Variants in POLN observed in about 807,000 individuals in gnomAD.
POLN encodes DNA polymerase N.
A neutral mutation model predicts 113.5 loss-of-function variants in POLN; 108 were observed. The observed-to-expected ratio is 0.95, with a 90% CI of 0.81 to 1.12. POLN has a LOEUF of 1.12. Ranked by LOEUF, POLN falls within the 50% of genes most tolerant of loss-of-function variation. The probability of loss-of-function intolerance (pLI) is 0.00; values close to 1 mark genes in which losing one functional copy is unlikely to be tolerated. For missense variants in POLN, 1,097 were observed against 1,077.1 expected (o/e 1.02, Z -0.26); for synonymous variants, 386 against 391.5 (o/e 0.99, Z 0.17).
chr4:2,219,433 T>A (rs996523930), intron 3 of POLN, among the ~76,000 whole-genome samples: 1 of 152,136 alleles, frequency 6.6e-6, no homozygotes, highest in Non-Finnish European at 1.5e-5. Flanking sequence ...TCTCCTTCAG[T>A]CAGTTGGTTC....
At chr4:2,161,361 G>A (rs369938166) in intron 13 of POLN, among the ~76,000 whole-genome samples, 4 of 152,348 alleles carry the variant, frequency 2.6e-5, no homozygotes, top group African/African-American at 7.2e-5. Context: ...CCCTGCACTC[G>A]GAGCAGCCAG....
At chr4:2,100,395 A>C (rs1334147390) in intron 19 of POLN, among the ~76,000 whole-genome samples, 1 of 152,252 alleles carries the variant, frequency 6.6e-6, no homozygotes, top group East Asian at 1.9e-4. Flanking sequence ...CACACTCACA[A>C]TAGCAATAGA....
In POLN at chr4:2,234,884, G is replaced by C. The variant is rs181553861; in HGVS notation, c.-12-5641C>G. Among the ~76,000 whole-genome samples the C allele has an allele frequency of 3.3e-5, 5 of 152,136 alleles. No homozygotes were observed. The East Asian group carries it at 9.6e-4, about 29-fold the overall frequency. ...GAAAAAAATGATATACAACTACATG[G>C]AGAAATTTTCTTCTTTTTTGACACC... On this transcript the variant is annotated intron_variant, in intron 2 of 25. Coordinates refer to ENST00000511885, the MANE Select transcript of POLN (RefSeq NM_181808.4).
At chr4:2,188,376 A>G (rs7696453) in intron 7 of POLN, among the ~76,000 whole-genome samples, 37,488 of 152,042 alleles carry the variant, frequency 0.25, 7,142 homozygotes, top group African/African-American at 0.51. Flanking sequence ...CGAGGTGGGC[A>G]GATCACGAGG....
intron 2 of POLN, chr4:2,232,207 T>C: frequency 2.5e-6 from 2 of 812,604 alleles, no homozygotes; most frequent in South Asian, 4.1e-5. Flanking sequence ...TTATTCCTAA[T>C]ACCAATTATA....
chr4:2,191,982 G>T (rs9997014), intron 7 of POLN, among the ~76,000 whole-genome samples: 1 of 151,682 alleles, frequency 6.6e-6, no homozygotes, highest in Non-Finnish European at 1.5e-5. Context: ...TCATGGTGGC[G>T]CACACCTGTA....
chr4:2,137,972 G>A (rs890567227), intron 16 of POLN, among the ~76,000 whole-genome samples: 3 of 152,132 alleles, frequency 2.0e-5, no homozygotes, highest in African/African-American at 7.2e-5. Context: ...CCGAGTAGCT[G>A]GGATTATAGG....
Position 2,111,806 on chromosome 4 carries a change from C to T in POLN, c.1983-15873G>A, listed in dbSNP as rs946775342. 3.0e-3 allele frequency among the ~76,000 whole-genome samples: 460 copies of T among 152,278 alleles called. 2 individuals are homozygous for T. The highest frequency in any genetic ancestry group is 0.01 in the African/African-American group (431 of 41,548). ...GGAAGAATCAATATCGTGAAAATGG[C>T]CATACTGCCCAAGGTAATTTATAGA... On this transcript the variant is annotated intron_variant, in intron 19 of 25. Coordinates refer to ENST00000511885, the MANE Select transcript of POLN (RefSeq NM_181808.4).
chr4:2,230,464 CAT>C (rs1734540337), intron 2 of POLN: 1 of 151,562 alleles, frequency 6.6e-6, no homozygotes, highest in African/African-American at 2.4e-5. Context: ...TAGAAAAAAA[CAT>C]ATACAACAAA....
At position 2,088,224 on chromosome 4, in the gene POLN, G is replaced by T. The variant is rs185721167; in HGVS notation, c.2066-2480C>A. Among the ~76,000 whole-genome samples the T allele has an allele frequency of 3.5e-4, 53 of 152,198 alleles. 1 individual carries two copies. Among genetic ancestry groups the T allele is most frequent in the Admixed American group, 2.7e-3 (41 of 15,264 alleles). ...AAGATTTTCTAATAGAAAAATTTTA[G>T]TATTTATCTACAGAAAAATAATGAA... On this transcript the variant is annotated intron_variant, in intron 20 of 25. Transcript: ENST00000511885.
chr4:2,236,401 C>T, intron 2 of POLN: 1 of 1,613,758 alleles, frequency 6.2e-7, no homozygotes, highest in African/African-American at 1.3e-5. Context: ...TCAAGGTTTC[C>T]ATGAGTTAGA....
intron 25 of POLN, among the ~76,000 whole-genome samples, chr4:2,072,680 GAGAGCCC>G (rs1730177816): frequency 6.6e-6 from 1 of 152,164 alleles, no homozygotes; most frequent in African/African-American, 2.4e-5. Context: ...TAGAGGCCAG[GAGAGCCC>G]TCCCGGGGGT....
chr4:2,126,627 G>A lies in POLN; in HGVS notation c.1982+1486C>T, dbSNP rs186200261. 5.3e-5 allele frequency among the ~76,000 whole-genome samples: 8 copies of A among 152,280 alleles called. No individual in the cohort carries two copies. In the East Asian group the frequency reaches 1.5e-3, roughly 29 times the overall value. ...AGAGAGGAGTGGAGACCAGAGAGGA[G>A]TGGAGACCAGAGAGGAGCGGCGCCG... On this transcript the variant is annotated intron_variant, in intron 19 of 25. Transcript: ENST00000511885. The surrounding 1 kb of genome is among the most constrained non-coding windows in gnomAD (Gnocchi z 4.6).
At chr4:2,235,894 G>A (rs1369588729) in intron 2 of POLN, among the ~76,000 whole-genome samples, 4 of 151,998 alleles carry the variant, frequency 2.6e-5, no homozygotes, top group East Asian at 3.8e-4. Flanking sequence ...GTACACAGAG[G>A]ATTTTAAAGC....
chr4:2,118,456 C>T (rs891832080), intron 19 of POLN, among the ~76,000 whole-genome samples: 2 of 152,114 alleles, frequency 1.3e-5, no homozygotes, highest in African/African-American at 2.4e-5. Flanking sequence ...TTGTCTCTTA[C>T]TTATAATACC....
At chr4:2,206,521 G>C (rs565738615) in intron 5 of POLN, among the ~76,000 whole-genome samples, 1 of 152,174 alleles carries the variant, frequency 6.6e-6, no homozygotes, top group Non-Finnish European at 1.5e-5. Flanking sequence ...CTAATATCCA[G>C]AATCTACAAT....
At position 2,085,602 on chromosome 4, in the gene POLN, G is replaced by A; in HGVS notation, c.2197+11C>T. 3.1e-6 allele frequency: 5 copies of A among 1,613,644 alleles called. No individual in the cohort carries two copies. The highest frequency in any genetic ancestry group is 4.2e-6 in the Non-Finnish European group (5 of 1,179,932). On this transcript the variant is annotated intron_variant, in intron 21 of 25. Coordinates refer to ENST00000511885, the MANE Select transcript of POLN (RefSeq NM_181808.4). The stretch of plus-strand genomic sequence containing the variant: ...GCAGGGAGCAGGGAGCTCTGGTTGT[G>A]GCCAACTCACCTGTCTGGTGACACT...
At chr4:2,078,783 T>C (rs1429562017) in intron 23 of POLN, 1 of 985,368 alleles carries the variant, frequency 1.0e-6, no homozygotes, top group Non-Finnish European at 1.2e-6. Context: ...CAATGGCTGA[T>C]GACAGAAGGA....
chr4:2,213,788 G>A (rs1734048901), intron 3 of POLN, among the ~76,000 whole-genome samples: 1 of 151,914 alleles, frequency 6.6e-6, no homozygotes, highest in African/African-American at 2.4e-5. Flanking sequence ...CTTATTAAAT[G>A]GCATAAAAAA....
Sources: allele counts gnomAD v4.1 joint callset (sites outside exome capture counted in the v4.1 genomes callset), GRCh38; gene constraint gnomAD v4.1.1; non-coding constraint Gnocchi (gnomAD v3.1); transcripts MANE v1.5; gene names NCBI Gene and HGNC (gene_info 2026-07-23, HGNC 2026-07-21).